CAPN5: variants seen among roughly 807,000 people sequenced by gnomAD.
The protein encoded by CAPN5 is calpain-5.
Under a neutral mutation model 73.0 loss-of-function variants are expected in CAPN5, and 54 were observed. The observed-to-expected ratio is 0.74, with a 90% CI of 0.59 to 0.93. The LOEUF is 0.93. CAPN5 is among the 40% of genes least tolerant of loss of function. The pLI, the probability that CAPN5 is intolerant of heterozygous loss-of-function variation, is 0.00. For synonymous variants in CAPN5, 335 were observed against 356.9 expected (o/e 0.94, Z 0.69); for missense variants, 785 against 882.9 (o/e 0.89, Z 1.41).
At chr11:77,103,296 A>G (rs782213527) in intron 3 of CAPN5, 1 of 1,612,216 alleles carries the variant, frequency 6.2e-7, no homozygotes, top group South Asian at 1.1e-5. Flanking sequence ...GGAGCCCGCC[A>G]ACCTCAAGGC....
chr11:77,120,920 G>C lies in CAPN5; in HGVS notation c.1487+11G>C, dbSNP rs373570492. 6.2e-7 allele frequency: 1 copy of C among 1,608,616 alleles called. No individual in the cohort carries two copies. The highest frequency in any genetic ancestry group is 8.5e-7 in the Non-Finnish European group (1 of 1,176,360). The stretch of plus-strand genomic sequence containing the variant: ...GCCCTCCAACTGCCGGTACTTGGGG[G>C]CTGGCTTGAGGCCAGTGTGGGTGGG... On this transcript the variant is annotated intron_variant, in intron 10 of 12. Coordinates refer to ENST00000648180, the MANE Select transcript of CAPN5 (RefSeq NM_004055.5).
intron 1 of CAPN5, among the ~76,000 whole-genome samples, chr11:77,077,457 G>T (rs544228758): frequency 3.9e-5 from 6 of 151,980 alleles, no homozygotes; most frequent in African/African-American, 1.4e-4. Flanking sequence ...AAAGCCCAAA[G>T]GTGGGAGGTG....
At chr11:77,109,887 C>CAGCCTGT (rs1950394210) in intron 3 of CAPN5, among the ~76,000 whole-genome samples, 1 of 152,166 alleles carries the variant, frequency 6.6e-6, no homozygotes, top group African/African-American at 2.4e-5. Flanking sequence ...ATGATCCTCC[C>CAGCCTGT]GAGGTCCTAG....
chr11:77,115,126 A>C (rs1555041473), intron 5 of CAPN5, among the ~76,000 whole-genome samples: 1 of 152,186 alleles, frequency 6.6e-6, no homozygotes, highest in African/African-American at 2.4e-5. Context: ...ATATTTAACA[A>C]TTTAAATATT....
intron 3 of CAPN5, 103 bp downstream of exon 3, chr11:77,093,916 CA>C: frequency 6.7e-7 from 1 of 1,488,584 alleles, no homozygotes; most frequent in South Asian, 1.3e-5. Flanking sequence ...ATGAGACTTT[CA>C]AAAGCCTGTG....
intron 3 of CAPN5, among the ~76,000 whole-genome samples, chr11:77,099,905 C>T (rs1950266645): frequency 6.6e-6 from 1 of 152,070 alleles, no homozygotes; most frequent in Non-Finnish European, 1.5e-5. Context: ...GGTGCGATCA[C>T]GGCTCACCGT....
chr11:77,115,523 G>A lies in CAPN5; in HGVS notation c.828G>A (p.Lys276=), dbSNP rs375213720. 6.2e-7 allele frequency: 1 copy of A among 1,613,318 alleles called. No homozygotes were observed. The highest frequency in any genetic ancestry group is 1.3e-5 in the African/African-American group (1 of 75,058). The change falls in exon 6 of 13, where the codon AAG becomes AAA. Residue 276 remains lysine, a synonymous_variant. Coordinates refer to ENST00000648180, the MANE Select transcript of CAPN5 (RefSeq NM_004055.5). ...TACTGGCCTTCTTCAAGTCAGAGAA[G>A]TTGGACATGATCCGCCTGCGCAACC... The part of the protein sequence containing the change: ...HGLLAFFKSE[K]LDMIRLRNPW...
At chr11:77,103,839 C>T (rs544395702) in intron 3 of CAPN5, among the ~76,000 whole-genome samples, 1 of 152,302 alleles carries the variant, frequency 6.6e-6, no homozygotes, top group South Asian at 2.1e-4. Flanking sequence ...GGCTGCTGGT[C>T]CCATAACACG....
intron 7 of CAPN5, among the ~76,000 whole-genome samples, chr11:77,116,834 G>A (rs1408828914): frequency 3.9e-5 from 6 of 152,236 alleles, no homozygotes; most frequent in African/African-American, 7.2e-5. Context: ...AGGCCTTGGT[G>A]GGCAAGGAAG....
At chr11:77,092,172 T>C (rs2135433357) in intron 2 of CAPN5, among the ~76,000 whole-genome samples, 1 of 152,284 alleles carries the variant, frequency 6.6e-6, no homozygotes, top group African/African-American at 2.4e-5. Flanking sequence ...TGAGCTGTGA[T>C]TGTGACTGCA....
intron 1 of CAPN5, among the ~76,000 whole-genome samples, chr11:77,079,444 T>C (rs532547644): frequency 6.6e-6 from 1 of 152,332 alleles, no homozygotes; most frequent in East Asian, 1.9e-4. Flanking sequence ...GATCCATCCA[T>C]AGGGTTGTGT....
intron 2 of CAPN5, among the ~76,000 whole-genome samples, chr11:77,090,067 T>C (rs558565550): frequency 1.3e-5 from 2 of 152,300 alleles, no homozygotes; most frequent in African/African-American, 4.8e-5. Context: ...CAGGGTTGTT[T>C]TGCACAGTGC....
Position 77,114,277 on chromosome 11 carries a change from A to G in CAPN5, c.542A>G (p.Asn181Ser), listed in dbSNP as rs558455639. 6.2e-7 allele frequency: 1 copy of G among 1,614,196 alleles called. No individual in the cohort carries two copies. The highest frequency in any genetic ancestry group is 8.5e-7 in the Non-Finnish European group (1 of 1,180,040). The change falls in exon 5 of 13, where the codon AAC becomes AGC. Residue 181 changes from asparagine (N) to serine (S), a missense_variant. Coordinates refer to ENST00000648180, the MANE Select transcript of CAPN5 (RefSeq NM_004055.5). The stretch of plus-strand genomic sequence containing the variant: ...TGTTACCAGGCCCTGGATGGAGGCA[A>G]CACAGCAGACGCACTGGTGGACTTC... ...AGCYQALDGG[N>S]TADALVDFTG...
intron 3 of CAPN5, among the ~76,000 whole-genome samples, chr11:77,097,480 T>TTTTTA (rs1950223999): frequency 6.9e-6 from 1 of 144,732 alleles, no homozygotes; most frequent in African/African-American, 2.6e-5. Flanking sequence ...TTTTTTTTTT[T>TTTTTA]TTTTTTTTTA....
Position 77,114,230 on chromosome 11 carries a change from A to T in CAPN5, c.507-12A>T. ...AGCATGAGCTGGGAAGTCTTTCCAC[A>T]TTGCTTCCCAGACTGGCAGGCTGTT... On this transcript the variant is annotated splice_polypyrimidine_tract_variant and intron_variant, in intron 4 of 12. Coordinates refer to ENST00000648180, the MANE Select transcript of CAPN5 (RefSeq NM_004055.5). The T allele has an allele frequency of 6.2e-7, 1 of 1,612,896 alleles. No homozygotes were observed. Among genetic ancestry groups the T allele is most frequent in the Non-Finnish European group, 8.5e-7 (1 of 1,178,964 alleles).
chr11:77,122,546 C>A, intron 11 of CAPN5, 30 bp from the exon 12 acceptor site: 1 of 1,358,424 alleles, frequency 7.4e-7, no homozygotes, highest in Non-Finnish European at 1.0e-6. Context: ...CACCCCCACC[C>A]TCACCCCATC....
rs185101882 is a variant in CAPN5 at position 77,080,032 on chromosome 11, G to A, written c.-35-4820G>A. On this transcript the variant is annotated intron_variant, in intron 1 of 12. Transcript: ENST00000648180. ...TCTATCTGGAATAAGTTTTGTATAC[G>A]GTTTGAGGTAGGGGTAAGACAACTG... Among the ~76,000 whole-genome samples, 24 of 152,098 alleles carry A rather than the reference G, an allele frequency of 1.6e-4. 1 individual carries two copies. The East Asian group carries it at 3.3e-3, about 21-fold the overall frequency.
At chr11:77,087,969 A>G (rs1555035833) in intron 2 of CAPN5, 15 of 1,535,726 alleles carry the variant, frequency 9.8e-6, no homozygotes, top group Admixed American at 5.9e-5. Flanking sequence ...GGCCCCTCAC[A>G]GGCCTGGCTG....
rs782098422 is a variant in CAPN5 at position 77,107,472 on chromosome 11, T to A, written c.298-5117T>A. Among the ~76,000 whole-genome samples the A allele has an allele frequency of 7.9e-5, 12 of 152,204 alleles. No individual in the cohort carries two copies. In the South Asian group the frequency reaches 2.5e-3, roughly 32 times the overall value. On this transcript the variant is annotated intron_variant, in intron 3 of 12. Transcript: ENST00000648180. ...ACACACGCACACACTTGCAGGCAGA[T>A]CCTGAGCAGCTTCCCTCCCTGGGCT...
Sources: gnomAD v4.1 joint callset for allele counts (sites outside exome capture counted in the v4.1 genomes callset) on GRCh38, gnomAD v4.1.1 for gene constraint, MANE v1.5 for transcripts, NCBI Gene and HGNC (gene_info 2026-07-23, HGNC 2026-07-21) for gene names.